The following ANKRD36B variants were observed in gnomAD, a reference collection of about 807,000 sequenced individuals.
The protein encoded by ANKRD36B is ankyrin repeat domain-containing protein 36B.
In ANKRD36B, 37 loss-of-function variants were observed where a neutral mutation model predicts 135.7. The observed-to-expected ratio is 0.27, with a 90% CI of 0.21 to 0.36. ANKRD36B has a LOEUF of 0.36. ANKRD36B is among the 10% of genes least tolerant of loss of function. The probability of loss-of-function intolerance (pLI) is 1.00; values close to 1 mark genes in which losing one functional copy is unlikely to be tolerated. For missense variants in ANKRD36B, 549 were observed against 1,037.1 expected (o/e 0.53, Z 6.46); for synonymous variants, 179 against 348.1 (o/e 0.51, Z 5.41).
Position 97,529,893 on chromosome 2 carries a change from G to T in ANKRD36B, c.2265+2418C>A, listed in dbSNP as rs1199415016. 2.1e-5 allele frequency among the ~76,000 whole-genome samples: 2 copies of T among 95,436 alleles called. 1 individual carries two copies. Among genetic ancestry groups the T allele is most frequent in the Non-Finnish European group, 5.6e-5 (2 of 36,036 alleles). The allele number at this position is 95,436 out of a possible 152,430, so 62.6% of individuals were successfully genotyped here. On this transcript the variant is annotated intron_variant, in intron 35 of 43. Transcript: ENST00000359901. ...AGGAGAACTACAAATCACTGCTCAA[G>T]GAAATAAAAGAGGATACAAACAAAT...
At chr2:97,550,802 T>G (rs1480209858) in intron 18 of ANKRD36B, among the ~76,000 whole-genome samples, 1 of 151,850 alleles carries the variant, frequency 6.6e-6, no homozygotes, top group Non-Finnish European at 1.5e-5. Context: ...TATAAATGAC[T>G]TCCTCTTTTC....
chr2:97,562,695 A>G (rs2081135823), intron 6 of ANKRD36B, among the ~76,000 whole-genome samples: 1 of 152,022 alleles, frequency 6.6e-6, no homozygotes, highest in South Asian at 2.1e-4. Context: ...TGACCTCCAC[A>G]TTCATTTCTT....
intron 38 of ANKRD36B, 145 bp downstream of exon 38, chr2:97,513,035 T>C (rs1393801802): frequency 5.2e-6 from 5 of 957,220 alleles, no homozygotes; most frequent in Non-Finnish European, 7.0e-6. Flanking sequence ...TAAATAATTA[T>C]AGCTATAAAT....
intron 6 of ANKRD36B, among the ~76,000 whole-genome samples, chr2:97,567,046 C>T (rs960207243): frequency 6.6e-6 from 1 of 151,832 alleles, no homozygotes; most frequent in African/African-American, 2.4e-5. Flanking sequence ...TTTCCCAGGA[C>T]CCCCTCTTTG....
At chr2:97,579,731 A>G (rs1380351762) in intron 4 of ANKRD36B, among the ~76,000 whole-genome samples, 1 of 150,008 alleles carries the variant, frequency 6.7e-6, no homozygotes, top group Non-Finnish European at 1.5e-5. Flanking sequence ...TTACATACAT[A>G]TGTGTGTATA....
At chr2:97,576,924 T>C (rs1416938134) in intron 5 of ANKRD36B, among the ~76,000 whole-genome samples, 1 of 152,020 alleles carries the variant, frequency 6.6e-6, no homozygotes, top group African/African-American at 2.4e-5. Flanking sequence ...AAATCCCAAA[T>C]CAAACCCAAT....
chr2:97,586,482 C>T (rs1219773265), intron 1 of ANKRD36B, among the ~76,000 whole-genome samples: 3 of 151,312 alleles, frequency 2.0e-5, no homozygotes, highest in African/African-American at 7.3e-5. Flanking sequence ...CTTGCTCAGG[C>T]TGGGCAGGTA....
chr2:97,579,761 T>C (rs1461071612), intron 4 of ANKRD36B, among the ~76,000 whole-genome samples: 1 of 149,140 alleles, frequency 6.7e-6, no homozygotes, highest in Non-Finnish European at 1.5e-5. Context: ...TGCACATACT[T>C]ATATGCTCAG....
In ANKRD36B at chr2:97,579,680, A is replaced by G. The variant is rs190675681; in HGVS notation, c.558-637T>C. 9.5e-3 allele frequency among the ~76,000 whole-genome samples: 1,330 copies of G among 139,506 alleles called. 32 individuals are homozygous for G. The highest frequency in any genetic ancestry group is 0.033 in the African/African-American group (1,259 of 38,014). 91.5% of individuals were successfully genotyped at this position (139,506 alleles called of 152,430 possible). On this transcript the variant is annotated intron_variant, in intron 4 of 43. Coordinates refer to ENST00000359901, the MANE Select transcript of ANKRD36B (RefSeq NM_001393939.1). ...TATATTATCTATAAATATATATTGT[A>G]TATATTATATATTATATATGATGTT...
chr2:97,560,244 T>C (rs1431781765), intron 8 of ANKRD36B, among the ~76,000 whole-genome samples: 1 of 151,924 alleles, frequency 6.6e-6, no homozygotes, highest in Non-Finnish European at 1.5e-5. Flanking sequence ...GTGGTCTTCT[T>C]AGCTCTCATT....
At chr2:97,570,234 A>G (rs1434032942) in intron 6 of ANKRD36B, among the ~76,000 whole-genome samples, 3 of 152,170 alleles carry the variant, frequency 2.0e-5, no homozygotes, top group Non-Finnish European at 4.4e-5. Flanking sequence ...GCACCATGCT[A>G]TGTTATATTA....
rs952966180 is a variant in ANKRD36B, at chr2:97,557,276, G to A, written c.968-144C>T. 4.2e-5 allele frequency: 53 copies of A among 1,260,206 alleles called. No homozygotes were observed. In the Middle Eastern group the frequency reaches 1.1e-3, roughly 26 times the overall value. The allele number at this position is 1,260,206 out of a possible 1,614,324, so 78.1% of individuals were successfully genotyped here. ...GTTTTACAGTTTGTGTCTTTGGGACGGGAACATGAGGAAATACACTGAAGA... is the reference window on the plus strand; with the variant it reads ...GTTTTACAGTTTGTGTCTTTGGGACAGGAACATGAGGAAATACACTGAAGA... On this transcript the variant is annotated intron_variant, in intron 10 of 43. Coordinates refer to ENST00000359901, the MANE Select transcript of ANKRD36B (RefSeq NM_001393939.1).
chr2:97,549,788 GA>G (rs2079868103), intron 18 of ANKRD36B, among the ~76,000 whole-genome samples, 174 bp from the exon 19 acceptor site: 1 of 151,896 alleles, frequency 6.6e-6, no homozygotes, highest in Non-Finnish European at 1.5e-5. Context: ...TGAGAAAAGG[GA>G]ATACAGGCTC....
At position 97,536,476 on chromosome 2, in the gene ANKRD36B, T is replaced by C; in HGVS notation, c.2110A>G (p.Thr704Ala). 2.2e-6 allele frequency: 2 copies of C among 906,774 alleles called. 1 individual carries two copies. Among genetic ancestry groups the C allele is most frequent in the Non-Finnish European group, 3.3e-6 (2 of 600,386 alleles). The allele number at this position is 906,774 out of a possible 1,614,324, so 56.2% of individuals were successfully genotyped here. The change falls in exon 33 of 44, where the codon ACC becomes GCC. Residue 704 changes from threonine (T) to alanine (A), a missense_variant. Physicochemically the swap from Thr to Ala is moderately conservative, Grantham distance 58. Coordinates refer to ENST00000359901, the MANE Select transcript of ANKRD36B (RefSeq NM_001393939.1). ...AATGTAAGAGTAATTACCTTCAAGGTGCGCAGATTCTCAGGATACTCTAAC... is the reference window on the plus strand; with the variant it reads ...AATGTAAGAGTAATTACCTTCAAGGCGCGCAGATTCTCAGGATACTCTAAC... The part of the protein sequence containing the change: ...SGTEYPENLR[T>A]LKATIENKDS...
intron 3 of ANKRD36B, among the ~76,000 whole-genome samples, chr2:97,584,401 T>G (rs556586292): frequency 7.6e-5 from 11 of 144,534 alleles, no homozygotes; most frequent in African/African-American, 2.9e-4. Flanking sequence ...ATTACCTAAT[T>G]TCCAAATTAG....
chr2:97,571,553 G>A (rs1432962702), intron 6 of ANKRD36B, among the ~76,000 whole-genome samples: 2 of 151,928 alleles, frequency 1.3e-5, no homozygotes, highest in Non-Finnish European at 2.9e-5. Context: ...GGCTGAGGCA[G>A]GAGAAGCGTT....
chr2:97,513,553 C>T (rs62156251), intron 37 of ANKRD36B, among the ~76,000 whole-genome samples, 190 bp from the exon 38 acceptor site: 127 of 75,314 alleles, frequency 1.7e-3, no homozygotes, highest in Admixed American at 5.3e-3. Flanking sequence ...CATAACCTTA[C>T]GAGACAAGGA....
intron 6 of ANKRD36B, among the ~76,000 whole-genome samples, chr2:97,567,864 C>T (rs1479170427): frequency 2.0e-5 from 3 of 152,118 alleles, no homozygotes; most frequent in East Asian, 3.9e-4. Context: ...TCCAAGATCA[C>T]GTGAAGCAGA....
At chr2:97,557,229 C>T (rs2080613363) in intron 10 of ANKRD36B, 97 bp from the exon 11 acceptor site, 3 of 1,486,000 alleles carry the variant, frequency 2.0e-6, no homozygotes. Context: ...ATCCTCCCGC[C>T]TGCACTAGTG....
Sources: allele counts gnomAD v4.1 joint callset (sites outside exome capture counted in the v4.1 genomes callset), GRCh38; gene constraint gnomAD v4.1.1; transcripts MANE v1.5; gene names NCBI Gene and HGNC (gene_info 2026-07-23, HGNC 2026-07-21).